Variants in L3MBTL3 observed in about 807,000 individuals in gnomAD.
L3MBTL3 encodes lethal(3)malignant brain tumor-like protein 3.
In L3MBTL3, 27 loss-of-function variants were observed where a neutral mutation model predicts 102.3. That is an observed-to-expected ratio of 0.26 (90% CI 0.19 to 0.36). L3MBTL3 has a LOEUF of 0.36. Ranked by LOEUF, L3MBTL3 falls within the 10% of genes least tolerant of loss-of-function variation. L3MBTL3 has a pLI of 1.00. For synonymous variants in L3MBTL3, 340 were observed against 320.9 expected, an observed-to-expected ratio of 1.06 and a Z score of -0.64; for missense variants, 798 against 955.3, an observed-to-expected ratio of 0.84 and a Z score of 2.17.
At chr6:130,108,788 C>T (rs971680942) in intron 19 of L3MBTL3, among the ~76,000 whole-genome samples, 2 of 151,984 alleles carry the variant, frequency 1.3e-5, no homozygotes, top group African/African-American at 4.8e-5. Flanking sequence ...CTGCACCTAT[C>T]AACCTATCTC....
chr6:130,118,415 G>T (rs745640457), intron 19 of L3MBTL3, among the ~76,000 whole-genome samples: 5 of 152,082 alleles, frequency 3.3e-5, no homozygotes, highest in Non-Finnish European at 7.4e-5. Flanking sequence ...CACATGTCTG[G>T]ATGTGCTCGA....
rs998359722 is a variant in L3MBTL3 at position 130,141,002 on chromosome 6, T to C, written c.*1249T>C. Reference sequence around the variant, plus strand: ...TAAATGAAAACCCTTGATTATAAATTGATAGCTGGTAGTGTTTCTTTTGCA... The same window carrying C: ...TAAATGAAAACCCTTGATTATAAATCGATAGCTGGTAGTGTTTCTTTTGCA... On this transcript the variant is annotated 3_prime_UTR_variant, in exon 23 of 23. Transcript: ENST00000361794. 2 of 152,752 alleles carry C rather than the reference T, an allele frequency of 1.3e-5. No homozygotes were observed. The highest frequency in any genetic ancestry group is 3.9e-4 in the East Asian group (2 of 5,190). The allele number at this position is 152,752 out of a possible 1,614,324, so 9.5% of individuals were successfully genotyped here.
chr6:130,068,529 G>C (rs536318700), intron 12 of L3MBTL3, 108 bp downstream of exon 12: 3 of 601,826 alleles, frequency 5.0e-6, no homozygotes, highest in South Asian at 4.6e-5. Context: ...TTATCGCCTT[G>C]GTAAATAGAG....
chr6:130,081,528 C>T (rs1343300520), intron 14 of L3MBTL3, among the ~76,000 whole-genome samples: 1 of 151,358 alleles, frequency 6.6e-6, no homozygotes, highest in Non-Finnish European at 1.5e-5. Context: ...AAGTGATTCT[C>T]CTACCTAAGC....
intron 18 of L3MBTL3, among the ~76,000 whole-genome samples, chr6:130,098,416 AGTGG>A (rs1784484983): frequency 6.6e-6 from 1 of 152,158 alleles, no homozygotes; most frequent in Non-Finnish European, 1.5e-5. Flanking sequence ...TAGAGGCAGG[AGTGG>A]AGTGGCGCTC....
chr6:130,107,270 G>A (rs1284236912), intron 19 of L3MBTL3, among the ~76,000 whole-genome samples: 1 of 152,126 alleles, frequency 6.6e-6, no homozygotes, highest in East Asian at 1.9e-4. Context: ...TTAATATGTA[G>A]GAAATGTAAA....
intron 4 of L3MBTL3, 123 bp from the exon 5 acceptor site, chr6:130,049,633 A>T (rs898386286): frequency 1.8e-6 from 2 of 1,103,370 alleles, no homozygotes; most frequent in Non-Finnish European, 1.4e-6. Context: ...TTGGAAATTA[A>T]GTAAATCCAT....
intron 13 of L3MBTL3, among the ~76,000 whole-genome samples, chr6:130,071,835 A>G (rs752259856): frequency 1.4e-4 from 22 of 152,164 alleles, no homozygotes; most frequent in Non-Finnish European, 1.8e-4. Flanking sequence ...CTAATTTTTT[A>G]GTATCCATAT....
At chr6:130,052,210 A>G (rs1781145437) in intron 6 of L3MBTL3, among the ~76,000 whole-genome samples, 1 of 151,808 alleles carries the variant, frequency 6.6e-6, no homozygotes, top group Non-Finnish European at 1.5e-5. Flanking sequence ...AGGTTCAAGC[A>G]ATTCACCTGC....
intron 16 of L3MBTL3, among the ~76,000 whole-genome samples, chr6:130,090,104 C>T (rs62432044): frequency 0.025 from 3,822 of 152,108 alleles, 85 homozygotes; most frequent in Non-Finnish European, 0.038. Context: ...TGCTGACACA[C>T]GTCTTTTCAT....
chr6:130,097,084 T>C (rs1424653352), intron 18 of L3MBTL3, among the ~76,000 whole-genome samples: 2 of 152,192 alleles, frequency 1.3e-5, no homozygotes, highest in African/African-American at 4.8e-5. Context: ...TCCTCAGTCT[T>C]CGAACTGGAT....
chr6:130,022,042 A>AT (rs1251433456), intron 1 of L3MBTL3, among the ~76,000 whole-genome samples, 185 bp from the exon 2 acceptor site: 1 of 152,230 alleles, frequency 6.6e-6, no homozygotes, highest in Admixed American at 6.5e-5. Flanking sequence ...GATACGAATG[A>AT]TTAAAATCCA....
chr6:130,053,243 G>A (rs1781219623), intron 7 of L3MBTL3, among the ~76,000 whole-genome samples: 1 of 152,142 alleles, frequency 6.6e-6, no homozygotes, highest in Admixed American at 6.5e-5. Flanking sequence ...GGGTGAAAGG[G>A]AACATTTAAA....
In L3MBTL3 at chr6:130,051,307, G is replaced by A. The variant is rs754629080; in HGVS notation, c.348G>A (p.Gly116=). 1 of 1,613,730 alleles carries A rather than the reference G, an allele frequency of 6.2e-7. No homozygotes were observed. Among genetic ancestry groups the A allele is most frequent in the Non-Finnish European group, 8.5e-7 (1 of 1,179,604 alleles). Residue 116 remains glycine, a synonymous_variant, in exon 6 of 23, where the codon GGG becomes GGA. Coordinates refer to ENST00000361794, the MANE Select transcript of L3MBTL3 (RefSeq NM_032438.4). ...FRLKDPVKVE[G]LQFCENCCQY... ...TGAAGGATCCAGTGAAAGTAGAAGG[G>A]CTTCAGTTCTGTGAGAACTGTTGTC...
At chr6:130,042,871 CAT>C (rs1562260022) in intron 3 of L3MBTL3, 70 bp downstream of exon 3, 2 of 1,006,874 alleles carry the variant, frequency 2.0e-6, no homozygotes, top group East Asian at 4.9e-5. Context: ...AAATTGGATA[CAT>C]ATGTGAAATA....
At chr6:130,134,008 G>T in intron 22 of L3MBTL3, 103 bp downstream of exon 22, 1 of 885,980 alleles carries the variant, frequency 1.1e-6, no homozygotes, top group South Asian at 1.4e-5. Flanking sequence ...AAAAGAGATG[G>T]GGTGTGTTGA....
chr6:130,027,506 G>A (rs532753098), intron 2 of L3MBTL3, among the ~76,000 whole-genome samples: 16 of 152,216 alleles, frequency 1.1e-4, no homozygotes, highest in South Asian at 4.1e-4. Flanking sequence ...GTAATTCACC[G>A]TATTGGTTTG....
At chr6:130,124,605 C>G (rs1582627921) in intron 20 of L3MBTL3, among the ~76,000 whole-genome samples, 3 of 152,304 alleles carry the variant, frequency 2.0e-5, no homozygotes, top group Middle Eastern at 6.8e-3. Flanking sequence ...ATTAATACTT[C>G]TGCTTCATTT....
At chr6:130,057,354 C>T in intron 8 of L3MBTL3, 52 bp from the exon 9 acceptor site, 2 of 1,445,382 alleles carry the variant, frequency 1.4e-6, no homozygotes, top group East Asian at 2.4e-5. Context: ...AGATGCATCA[C>T]TGCTGGCTTA....
Sources: gnomAD v4.1 joint callset for allele counts (sites outside exome capture counted in the v4.1 genomes callset) on GRCh38, gnomAD v4.1.1 for gene constraint, MANE v1.5 for transcripts, NCBI Gene and HGNC (gene_info 2026-07-23, HGNC 2026-07-21) for gene names.